GPBP1: variants seen among roughly 807,000 people sequenced by gnomAD.
GPBP1 encodes the protein GC-rich promoter binding protein 1.
Under a neutral mutation model 56.5 loss-of-function variants are expected in GPBP1, and 13 were observed. The ratio of observed to expected loss-of-function variants is 0.23; its 90% CI spans 0.15 to 0.37. The LOEUF (loss-of-function observed/expected upper bound fraction) is 0.37. Ranked by LOEUF, GPBP1 falls within the 10% of genes least tolerant of loss-of-function variation. The probability of loss-of-function intolerance (pLI) is 1.00; values close to 1 mark genes in which losing one functional copy is unlikely to be tolerated. For synonymous variants in GPBP1, 204 were observed against 188.9 expected (o/e 1.08, Z -0.66); for missense variants, 477 against 572.3 (o/e 0.83, Z 1.70).
chr5:57,241,774 G>A (rs1420812907), intron 6 of GPBP1, among the ~76,000 whole-genome samples: 2 of 152,108 alleles, frequency 1.3e-5, no homozygotes, highest in Non-Finnish European at 2.9e-5. Flanking sequence ...AGGTATTAAG[G>A]TCTGTCATCA....
At chr5:57,234,021 C>G (rs1756566197) in intron 5 of GPBP1, among the ~76,000 whole-genome samples, 1 of 152,106 alleles carries the variant, frequency 6.6e-6, no homozygotes, top group African/African-American at 2.4e-5. Flanking sequence ...AGTATAATTT[C>G]TAATAGTATA....
In GPBP1 at chr5:57,213,698, CTG is replaced by C. The variant is rs1561343710; in HGVS notation, c.-57-374_-57-373del. On this transcript the variant is annotated intron_variant, in intron 2 of 11. Transcript: ENST00000506184. ...ACAAGACTACATCATAGATGGTACT[CTG>C]TATTTCATTTTGGGTTATATCAGGA... Among the ~76,000 whole-genome samples the C allele has an allele frequency of 3.3e-5, 5 of 152,178 alleles. No homozygotes were observed. The South Asian group carries it at 1.0e-3, about 32-fold the overall frequency.
intron 6 of GPBP1, among the ~76,000 whole-genome samples, chr5:57,243,028 C>A (rs12153538): frequency 6.6e-6 from 1 of 151,468 alleles, no homozygotes; most frequent in Non-Finnish European, 1.5e-5. Context: ...GGATTACAGG[C>A]GTGAGCCACT....
At chr5:57,236,119 G>T in intron 6 of GPBP1, 87 bp downstream of exon 6, 1 of 846,108 alleles carries the variant, frequency 1.2e-6, no homozygotes, top group South Asian at 1.5e-5. Flanking sequence ...ATAGAGAGCA[G>T]GCTAGAATAA....
At chr5:57,178,363 G>A (rs925147554) in intron 2 of GPBP1, among the ~76,000 whole-genome samples, 1 of 152,114 alleles carries the variant, frequency 6.6e-6, no homozygotes, top group African/African-American at 2.4e-5. Context: ...TTCTGCCTCA[G>A]CCTCGCCAGT....
chr5:57,201,409 G>T (rs960492193), intron 2 of GPBP1, among the ~76,000 whole-genome samples: 2 of 151,916 alleles, frequency 1.3e-5, no homozygotes, highest in East Asian at 1.9e-4. Flanking sequence ...TAGTAGGGAT[G>T]ATGTTTCACT....
chr5:57,256,700 T>C (rs918490898), intron 10 of GPBP1, among the ~76,000 whole-genome samples: 3 of 152,338 alleles, frequency 2.0e-5, no homozygotes, highest in African/African-American at 7.2e-5. Context: ...TATAGAAATG[T>C]TGCACTTGCT....
intron 3 of GPBP1, among the ~76,000 whole-genome samples, chr5:57,226,765 A>G (rs1756217393): frequency 9.1e-6 from 1 of 109,420 alleles, no homozygotes; most frequent in Admixed American, 1.1e-4. Context: ...TTTGAGACAG[A>G]ATTTCGCTCT....
intron 3 of GPBP1, among the ~76,000 whole-genome samples, chr5:57,226,154 CT>C (rs1756177791): frequency 6.6e-6 from 1 of 152,166 alleles, no homozygotes; most frequent in South Asian, 2.1e-4. Flanking sequence ...TGAGGGGTAA[CT>C]TTTGGCCCAT....
At chr5:57,245,686 G>T (rs576475445) in intron 6 of GPBP1, 1 of 152,126 alleles carries the variant, frequency 6.6e-6, no homozygotes, top group East Asian at 1.9e-4. Flanking sequence ...GCAATTATTC[G>T]TAGTATTTAT....
intron 6 of GPBP1, among the ~76,000 whole-genome samples, chr5:57,244,944 G>T (rs571991744): frequency 1.3e-5 from 2 of 152,110 alleles, no homozygotes; most frequent in Non-Finnish European, 2.9e-5. Flanking sequence ...CACCATGTTG[G>T]CCAGGCTGTT....
At chr5:57,211,664 A>T (rs906277004) in intron 2 of GPBP1, among the ~76,000 whole-genome samples, 1 of 149,424 alleles carries the variant, frequency 6.7e-6, no homozygotes, top group East Asian at 2.0e-4. Context: ...GCTCACTGCA[A>T]CCTCCGCCTC....
chr5:57,188,259 G>A (rs1426812624), intron 2 of GPBP1, among the ~76,000 whole-genome samples: 1 of 147,126 alleles, frequency 6.8e-6, no homozygotes, highest in Non-Finnish European at 1.5e-5. Flanking sequence ...AAAAAAAATG[G>A]TTGAAGCACA....
At chr5:57,183,866 G>T (rs888931276) in intron 2 of GPBP1, among the ~76,000 whole-genome samples, 2 of 149,768 alleles carry the variant, frequency 1.3e-5, no homozygotes, top group Admixed American at 1.4e-4. Flanking sequence ...CGACCTCCCA[G>T]ACACAGGTGA....
Position 57,231,211 on chromosome 5 carries a change from A to G in GPBP1, c.301A>G (p.Ile101Val), listed in dbSNP as rs1756444087. The change falls in exon 5 of 12, where the codon ATT becomes GTT. Residue 101 changes from isoleucine (I) to valine (V), a missense_variant. By Grantham distance (29) the Ile-to-Val change is conservative. Coordinates refer to ENST00000506184, the MANE Select transcript of GPBP1 (RefSeq NM_022913.4). ...HGGSSRSRSS[I>V]FHAGKSQGLH... is the part of the protein sequence containing the mutation. ...TGGAAGTTCCCGTTCTCGTAGCAGT[A>G]TTTTCCATGCAGGAAAAAGCCAAGG... 1.9e-6 allele frequency: 3 copies of G among 1,614,100 alleles called. No individual in the cohort carries two copies. Among genetic ancestry groups the G allele is most frequent in the South Asian group, 1.1e-5 (1 of 91,082 alleles).
intron 6 of GPBP1, among the ~76,000 whole-genome samples, chr5:57,239,080 T>G (rs2111889707): frequency 6.6e-6 from 1 of 152,362 alleles, no homozygotes; most frequent in Non-Finnish European, 1.5e-5. Context: ...TCGTTGGATT[T>G]TTTTGACAGT....
chr5:57,255,076 A>ATG (rs1741593286), intron 10 of GPBP1, among the ~76,000 whole-genome samples: 1 of 152,216 alleles, frequency 6.6e-6, no homozygotes, highest in African/African-American at 2.4e-5. Flanking sequence ...GATCATTCTA[A>ATG]TGAATCACCT....
chr5:57,244,279 C>A lies in GPBP1; in HGVS notation c.479-2021C>A, dbSNP rs572653292. On this transcript the variant is annotated intron_variant, in intron 6 of 11. Coordinates refer to ENST00000506184, the MANE Select transcript of GPBP1 (RefSeq NM_022913.4). ...AAACTTTTTATTTACTTCTCTAGAA[C>A]TGTGTGTTGAAATCATTTTCTTGCT... Among the ~76,000 whole-genome samples the A allele has an allele frequency of 2.0e-5, 3 of 152,298 alleles. No individual in the cohort carries two copies. In the South Asian group the frequency reaches 6.2e-4, roughly 32 times the overall value.
intron 10 of GPBP1, among the ~76,000 whole-genome samples, chr5:57,254,977 T>C (rs768097578): frequency 4.6e-5 from 7 of 152,248 alleles, no homozygotes; most frequent in Non-Finnish European, 1.0e-4. Context: ...GCTTGAGTGA[T>C]GGCTGAAATG....
Sources: allele counts gnomAD v4.1 joint callset (sites outside exome capture counted in the v4.1 genomes callset), GRCh38; gene constraint gnomAD v4.1.1; transcripts MANE v1.5; gene names NCBI Gene and HGNC (gene_info 2026-07-23, HGNC 2026-07-21).